The following SYT16 variants were observed in gnomAD, a reference collection of about 807,000 sequenced individuals.
The protein encoded by SYT16 is synaptotagmin 16, also known as synaptotagmin-16.
In SYT16, 42 loss-of-function variants were observed where a neutral mutation model predicts 61.4. The ratio of observed to expected loss-of-function variants is 0.68; its 90% CI spans 0.53 to 0.89. SYT16 has a LOEUF of 0.89. Among genes scored for constraint, SYT16 ranks in the 40% least tolerant of loss-of-function variants. The pLI is 0.00. For synonymous variants in SYT16, 314 were observed against 302.3 expected (o/e 1.04, Z -0.40); for missense variants, 804 against 807.3 (o/e 1.00, Z 0.05).
intron 7 of SYT16, among the ~76,000 whole-genome samples, chr14:62,090,092 T>C (rs1197154775): frequency 9.9e-5 from 15 of 152,242 alleles, no homozygotes. Context: ...GATATACTGC[T>C]ATGTTTCAAA....
intron 7 of SYT16, among the ~76,000 whole-genome samples, chr14:62,086,139 A>G (rs1403130411): frequency 1.3e-5 from 2 of 152,184 alleles, no homozygotes; most frequent in Admixed American, 1.3e-4. Context: ...GCTGGAGGCC[A>G]ACAAACCAAG....
At chr14:61,992,600 C>G (rs2052597607) in intron 2 of SYT16, among the ~76,000 whole-genome samples, 1 of 152,078 alleles carries the variant, frequency 6.6e-6, no homozygotes, top group African/African-American at 2.4e-5. Flanking sequence ...TTAGGATCCC[C>G]CCAGCACTAA....
chr14:61,861,024 G>T (rs1353248560), intron 1 of SYT16, among the ~76,000 whole-genome samples: 1 of 152,166 alleles, frequency 6.6e-6, no homozygotes, highest in African/African-American at 2.4e-5. Flanking sequence ...TCTAGGACCA[G>T]GAAGAATCAA....
chr14:61,927,599 T>C (rs1409049981), intron 1 of SYT16, among the ~76,000 whole-genome samples: 3 of 152,202 alleles, frequency 2.0e-5, no homozygotes, highest in African/African-American at 7.2e-5. Context: ...TATGTGTTTT[T>C]TAAAAAATGA....
At chr14:62,078,722 C>G (rs774188908) in intron 5 of SYT16, among the ~76,000 whole-genome samples, 2 of 152,224 alleles carry the variant, frequency 1.3e-5, no homozygotes, top group Non-Finnish European at 2.9e-5. Context: ...GGACAACTGA[C>G]TACGGGGCAA....
rs183177846 is a variant in SYT16 at position 61,979,679 on chromosome 14, C to T, written c.-145+9368C>T. Reference sequence around the variant, plus strand: ...CGGGTGGATCACGAGGTCAAGAGATCGAGATCATCCTGGCCAACATGGTGA... The same window carrying T: ...CGGGTGGATCACGAGGTCAAGAGATTGAGATCATCCTGGCCAACATGGTGA... On this transcript the variant is annotated intron_variant, in intron 2 of 7. Transcript: ENST00000683842. Among the ~76,000 whole-genome samples the T allele has an allele frequency of 9.7e-3, 1,473 of 152,186 alleles. 19 individuals are homozygous for T. Among genetic ancestry groups the T allele is most frequent in the African/African-American group, 0.034 (1,418 of 41,502 alleles).
intron 1 of SYT16, among the ~76,000 whole-genome samples, chr14:61,848,777 A>G (rs951000060): frequency 6.6e-6 from 1 of 152,136 alleles, no homozygotes; most frequent in Non-Finnish European, 1.5e-5. Flanking sequence ...CACCTAAACC[A>G]CAGGGGCCCA....
chr14:61,834,222 C>T lies in SYT16; in HGVS notation c.-325+21412C>T, dbSNP rs538216087. ...CTCGGCTCACTGTAACCTCCACCTC[C>T]CAGGTTCAAGCAATTCTCCTGCCTC... On this transcript the variant is annotated intron_variant, in intron 1 of 7. Transcript: ENST00000683842. Among the ~76,000 whole-genome samples, 127 of 151,950 alleles carry T rather than the reference C, an allele frequency of 8.4e-4. 1 individual carries two copies. Among genetic ancestry groups the T allele is most frequent in the African/African-American group, 3.0e-3 (124 of 41,458 alleles).
At chr14:62,018,301 T>TTC (rs2053777699) in intron 3 of SYT16, among the ~76,000 whole-genome samples, 1 of 33,682 alleles carries the variant, frequency 3.0e-5, no homozygotes, top group Admixed American at 3.7e-4. Flanking sequence ...TCTTCTTCTT[T>TTC]TTTTTTTTTT....
At position 62,103,035 on chromosome 14, in the gene SYT16, A is replaced by G. The variant is rs2057451043; in HGVS notation, c.*2328A>G. 1 of 152,206 alleles carries G rather than the reference A, an allele frequency of 6.6e-6. No homozygotes were observed. Among genetic ancestry groups the G allele is most frequent in the African/African-American group, 2.4e-5 (1 of 41,454 alleles). 9.4% of individuals were successfully genotyped at this position (152,206 alleles called of 1,614,324 possible). On this transcript the variant is annotated 3_prime_UTR_variant, in exon 8 of 8. Coordinates refer to ENST00000683842, the MANE Select transcript of SYT16 (RefSeq NM_001367656.1). ...GCTACTCACCAAATAGGATGCATGT[A>G]CATCTTGAATATACAGCAACATTCA...
intron 1 of SYT16, among the ~76,000 whole-genome samples, chr14:61,825,359 G>A (rs112574754): frequency 2.0e-5 from 3 of 152,140 alleles, no homozygotes; most frequent in Non-Finnish European, 4.4e-5. Context: ...ATATAACAAA[G>A]CCAGTTTTAC....
rs2052766632 is a variant in SYT16 at position 61,996,312 on chromosome 14, T to C, written c.293T>C (p.Leu98Ser). Residue 98 changes from leucine to serine, a missense_variant, in exon 3 of 8, where the codon TTG becomes TCG. By Grantham distance (145) the Leu-to-Ser change is moderately radical. Coordinates refer to ENST00000683842, the MANE Select transcript of SYT16 (RefSeq NM_001367656.1). ...VDHFSCCNSD[L>S]QDSAQNSSPS... Reference sequence around the variant, plus strand: ...CATTTCTCATGTTGTAATAGTGATTTGCAGGACTCTGCCCAAAATTCAAGC... The same window carrying C: ...CATTTCTCATGTTGTAATAGTGATTCGCAGGACTCTGCCCAAAATTCAAGC... 2 of 1,613,366 alleles carry C rather than the reference T, an allele frequency of 1.2e-6. No homozygotes were observed. The highest frequency in any genetic ancestry group is 8.5e-7 in the Non-Finnish European group (1 of 1,179,568).
intron 1 of SYT16, among the ~76,000 whole-genome samples, chr14:61,898,287 T>C (rs1377101582): frequency 1.3e-5 from 2 of 152,174 alleles, no homozygotes; most frequent in African/African-American, 2.4e-5. Flanking sequence ...TTTGAGTAGA[T>C]ATAGACCTTT....
intron 2 of SYT16, among the ~76,000 whole-genome samples, chr14:61,980,790 G>A (rs2140561356): frequency 6.6e-6 from 1 of 152,222 alleles, no homozygotes; most frequent in South Asian, 2.1e-4. Flanking sequence ...CATGGTAAGG[G>A]CTTAAAAAAA....
intron 1 of SYT16, among the ~76,000 whole-genome samples, chr14:61,920,948 A>C (rs2049312187): frequency 6.6e-6 from 1 of 152,190 alleles, no homozygotes; most frequent in Non-Finnish European, 1.5e-5. Flanking sequence ...AGATGCTCAT[A>C]ACTACTAGGT....
At position 61,870,765 on chromosome 14, in the gene SYT16, T is replaced by C. The variant is rs542426242; in HGVS notation, c.-325+57955T>C. The stretch of plus-strand genomic sequence containing the variant: ...AGTGTATTTTTCATCTCAGTTATTA[T>C]ATTATTCATCTCCATAAATTTGACC... On this transcript the variant is annotated intron_variant, in intron 1 of 7. Transcript: ENST00000683842. Among the ~76,000 whole-genome samples the C allele has an allele frequency of 2.3e-3, 350 of 152,336 alleles. 1 individual carries two copies. The highest frequency in any genetic ancestry group is 3.4e-3 in the Non-Finnish European group (229 of 68,016).
intron 1 of SYT16, among the ~76,000 whole-genome samples, chr14:61,945,552 G>T (rs1194169857): frequency 6.6e-6 from 1 of 151,770 alleles, no homozygotes; most frequent in Non-Finnish European, 1.5e-5. Flanking sequence ...ATACTATGCA[G>T]TCATAAAAAA....
chr14:62,047,780 T>C (rs1351726746), intron 3 of SYT16, among the ~76,000 whole-genome samples: 2 of 152,230 alleles, frequency 1.3e-5, no homozygotes, highest in African/African-American at 4.8e-5. Flanking sequence ...ATTACGTTTA[T>C]TGATTTGTGT....
chr14:61,990,248 T>C (rs1447278168), intron 2 of SYT16, among the ~76,000 whole-genome samples: 1 of 152,186 alleles, frequency 6.6e-6, no homozygotes, highest in Non-Finnish European at 1.5e-5. Context: ...AAAGGCATGA[T>C]AATTGTCATA....
Sources: allele counts gnomAD v4.1 joint callset (sites outside exome capture counted in the v4.1 genomes callset), GRCh38; gene constraint gnomAD v4.1.1; transcripts MANE v1.5; gene names NCBI Gene and HGNC (gene_info 2026-07-23, HGNC 2026-07-21).